Variants in PPIP5K2 observed in about 807,000 individuals in gnomAD.
The protein encoded by PPIP5K2 is diphosphoinositol pentakisphosphate kinase 2.
In PPIP5K2, 105 loss-of-function variants were observed where a neutral mutation model predicts 154.6. That is an observed-to-expected ratio of 0.68 (90% CI 0.58 to 0.80). The LOEUF is 0.80. Among genes scored for constraint, PPIP5K2 ranks in the 30% least tolerant of loss-of-function variants. PPIP5K2 has a pLI of 0.00. For synonymous variants in PPIP5K2, 480 were observed against 490.3 expected, an observed-to-expected ratio of 0.98 and a Z score of 0.28; for missense variants, 992 against 1,504.6, an observed-to-expected ratio of 0.66 and a Z score of 5.64.
chr5:103,121,929 A>G (rs1307375856), intron 1 of PPIP5K2, among the ~76,000 whole-genome samples: 4 of 152,234 alleles, frequency 2.6e-5, no homozygotes, highest in African/African-American at 7.2e-5. Flanking sequence ...CCATGCAACC[A>G]CAATATAGAC....
At chr5:103,152,788 C>A (rs543094097) in intron 10 of PPIP5K2, 39 bp downstream of exon 10, 1 of 1,353,426 alleles carries the variant, frequency 7.4e-7, no homozygotes, top group Non-Finnish European at 1.0e-6. Context: ...TTGAGTTTTC[C>A]TTGCCATCTG....
intron 8 of PPIP5K2, among the ~76,000 whole-genome samples, chr5:103,150,928 T>A (rs1336672344): frequency 1.3e-5 from 2 of 151,190 alleles, no homozygotes; most frequent in Non-Finnish European, 2.9e-5. Flanking sequence ...TTAAAAATTT[T>A]GCTTTTGTTT....
chr5:103,178,052 T>G (rs1798972041), intron 23 of PPIP5K2, 72 bp downstream of exon 23: 1 of 945,972 alleles, frequency 1.1e-6, no homozygotes, highest in Non-Finnish European at 1.7e-6. Flanking sequence ...ATAAGAGATT[T>G]TTATAATGTA....
intron 30 of PPIP5K2, among the ~76,000 whole-genome samples, 196 bp downstream of exon 30, chr5:103,195,221 C>T (rs1292201020): frequency 6.6e-6 from 1 of 152,164 alleles, no homozygotes; most frequent in African/African-American, 2.4e-5. Flanking sequence ...CCCCTCTCCC[C>T]ACATCTGTTA....
intron 5 of PPIP5K2, among the ~76,000 whole-genome samples, chr5:103,145,566 A>G (rs1312494156): frequency 2.0e-5 from 3 of 152,112 alleles, no homozygotes; most frequent in African/African-American, 7.2e-5. Context: ...CTATAAAAAT[A>G]ATGAAATCCT....
intron 24 of PPIP5K2, among the ~76,000 whole-genome samples, chr5:103,182,588 A>G (rs570748235): frequency 2.6e-5 from 4 of 152,306 alleles, no homozygotes; most frequent in African/African-American, 9.6e-5. Context: ...TGAACATGCA[A>G]ACATGTAAAA....
In PPIP5K2 at chr5:103,205,641, C is replaced by T. The variant is rs1478665864; in HGVS notation, c.*4007C>T. On this transcript the variant is annotated 3_prime_UTR_variant, in exon 31 of 31. Transcript: ENST00000358359. The stretch of plus-strand genomic sequence containing the variant: ...ATGGATTGTGAGAAAAACATCTTTT[C>T]GCTTAGGGATCACTGTCAATTTCTC... 3 of 152,128 alleles carry T rather than the reference C, an allele frequency of 2.0e-5. No individual in the cohort carries two copies. The highest frequency in any genetic ancestry group is 2.9e-5 in the Non-Finnish European group (2 of 68,026). 9.4% of individuals were successfully genotyped at this position (152,128 alleles called of 1,614,324 possible).
Position 103,173,932 on chromosome 5 carries a change from A to G in PPIP5K2, c.2489A>G (p.His830Arg), listed in dbSNP as rs1214668115. Residue 830 changes from histidine (H) to arginine (R), a missense_variant, in exon 21 of 31, where the codon CAT becomes CGT. By Grantham distance (29) the His-to-Arg change is conservative. Coordinates refer to ENST00000358359, the MANE Select transcript of PPIP5K2 (RefSeq NM_001276277.3). ...TATTTTACCAGTGAAAGTCATGTAC[A>G]TTCTTTGCTGTCTATTCTTCGCTAT... The part of the protein sequence containing the change: ...RLYFTSESHV[H>R]SLLSILRYGA... 2.5e-6 allele frequency: 4 copies of G among 1,608,610 alleles called. No individual in the cohort carries two copies. The highest frequency in any genetic ancestry group is 1.1e-5 in the South Asian group (1 of 90,862).
chr5:103,144,583 A>T (rs1793421955), intron 5 of PPIP5K2, among the ~76,000 whole-genome samples: 1 of 152,148 alleles, frequency 6.6e-6, no homozygotes, highest in African/African-American at 2.4e-5. Flanking sequence ...ATATAGACCA[A>T]TGGAACAGAA....
At chr5:103,135,387 A>C (rs933597903) in intron 3 of PPIP5K2, among the ~76,000 whole-genome samples, 1 of 152,178 alleles carries the variant, frequency 6.6e-6, no homozygotes, top group East Asian at 1.9e-4. Context: ...ACGGTATACA[A>C]CTGATGATGT....
intron 19 of PPIP5K2, among the ~76,000 whole-genome samples, chr5:103,170,751 C>T (rs1292000080): frequency 4.0e-5 from 6 of 151,044 alleles, no homozygotes; most frequent in Non-Finnish European, 8.9e-5. Flanking sequence ...GGACAGAAGG[C>T]AGGTATTTTC....
intron 29 of PPIP5K2, among the ~76,000 whole-genome samples, chr5:103,191,582 G>A (rs1228674552): frequency 6.6e-6 from 1 of 152,036 alleles, no homozygotes; most frequent in Non-Finnish European, 1.5e-5. Context: ...GCATATAAAA[G>A]GCTGACGTTC....
At chr5:103,187,226 C>A in intron 27 of PPIP5K2, 88 bp from the exon 28 acceptor site, 1 of 956,528 alleles carries the variant, frequency 1.0e-6, no homozygotes, top group Non-Finnish European at 1.6e-6. Context: ...TTTCTAACCT[C>A]CTCATATATT....
At chr5:103,143,003 TG>T (rs1361524996) in intron 5 of PPIP5K2, among the ~76,000 whole-genome samples, 17 of 151,916 alleles carry the variant, frequency 1.1e-4, no homozygotes, top group Non-Finnish European at 2.2e-4. Flanking sequence ...AAAACATGGA[TG>T]GGGGGAAATG....
At chr5:103,159,114 A>T (rs782474510) in intron 16 of PPIP5K2, 32 bp from the exon 17 acceptor site, 6 of 1,407,768 alleles carry the variant, frequency 4.3e-6, no homozygotes, top group Non-Finnish European at 5.7e-6. Context: ...TTAATTTTTT[A>T]AATTCGTGTT....
intron 1 of PPIP5K2, among the ~76,000 whole-genome samples, chr5:103,126,712 G>A (rs1789735456): frequency 6.6e-6 from 1 of 151,926 alleles, no homozygotes; most frequent in Non-Finnish European, 1.5e-5. Flanking sequence ...GATGCAGGCT[G>A]GGAGGCTAAG....
At chr5:103,193,257 G>A (rs1554227448) in intron 29 of PPIP5K2, among the ~76,000 whole-genome samples, 2 of 152,004 alleles carry the variant, frequency 1.3e-5, no homozygotes, top group African/African-American at 4.8e-5. Flanking sequence ...TTTGAATCAT[G>A]TATTTTATAG....
In PPIP5K2 at chr5:103,168,087, A is replaced by G. The variant is rs564650659; in HGVS notation, c.2078A>G (p.His693Arg). 5 of 1,604,618 alleles carry G rather than the reference A, an allele frequency of 3.1e-6. No individual in the cohort carries two copies. The highest frequency in any genetic ancestry group is 2.7e-5 in the African/African-American group (2 of 74,604). The change falls in exon 19 of 31, where the codon CAT becomes CGT. Residue 693 changes from histidine to arginine, a missense_variant. Around this residue, in one of 9 missense-constraint regions of PPIP5K2, gnomAD observed 157 missense variants for 281.2 expected, o/e 0.56. Coordinates refer to ENST00000358359, the MANE Select transcript of PPIP5K2 (RefSeq NM_001276277.3). Reference sequence around the variant, plus strand: ...GTTGTTTTAGATATTCAGCTTTACCATAGTGAAACATTGGAGCTTATGCTA... The same window carrying G: ...GTTGTTTTAGATATTCAGCTTTACCGTAGTGAAACATTGGAGCTTATGCTA... ...DPKSSDIQLY[H>R]SETLELMLRR...
intron 24 of PPIP5K2, among the ~76,000 whole-genome samples, chr5:103,181,378 G>A: frequency 6.6e-6 from 1 of 151,896 alleles, no homozygotes; most frequent in Non-Finnish European, 1.5e-5. Context: ...GAGCAGCCTG[G>A]CCAATATGGT....
Sources: gnomAD v4.1 joint callset for allele counts (sites outside exome capture counted in the v4.1 genomes callset) on GRCh38, gnomAD v4.1.1 for gene constraint, gnomAD v4.1.1 regional missense constraint, MANE v1.5 for transcripts, NCBI Gene and HGNC (gene_info 2026-07-23, HGNC 2026-07-21) for gene names.